Variants in PCSK2 observed in about 807,000 individuals in gnomAD.
PCSK2 encodes the protein neuroendocrine convertase 2.
In PCSK2, 14 loss-of-function variants were observed where a neutral mutation model predicts 69.7. That is an observed-to-expected ratio of 0.20 (90% CI 0.13 to 0.31). PCSK2 has a LOEUF of 0.31. PCSK2 is among the 10% of genes least tolerant of loss of function. The pLI is 1.00. For missense variants in PCSK2, 544 were observed against 842.5 expected (o/e 0.65, Z 4.39); for synonymous variants, 307 against 320.7 (o/e 0.96, Z 0.46).
chr20:17,391,469 G>A (rs936446364), intron 5 of PCSK2, among the ~76,000 whole-genome samples: 1 of 152,186 alleles, frequency 6.6e-6, no homozygotes, highest in African/African-American at 2.4e-5. Flanking sequence ...GTTAATAGAT[G>A]TAGGGATGGA....
intron 2 of PCSK2, among the ~76,000 whole-genome samples, chr20:17,348,042 GAAAGAAAGGAAAGAAAGAAAGAAA>G (rs1568612629): frequency 2.2e-5 from 1 of 45,182 alleles, no homozygotes; most frequent in East Asian, 6.3e-4. Flanking sequence ...AAGAAAGAAA[GAAAGAAAGGAAAGAAAGAAAGAAA>G]GAAAGAAAGA....
intron 2 of PCSK2, among the ~76,000 whole-genome samples, chr20:17,332,656 A>G (rs1990235817): frequency 6.6e-6 from 1 of 152,178 alleles, no homozygotes; most frequent in African/African-American, 2.4e-5. Flanking sequence ...AGTGGGGCCC[A>G]GCAATTTTTG....
At chr20:17,229,075 A>G (rs1275382163) in intron 1 of PCSK2, among the ~76,000 whole-genome samples, 6 of 152,080 alleles carry the variant, frequency 3.9e-5, no homozygotes, top group Non-Finnish European at 2.9e-5. Flanking sequence ...AAACGCCATT[A>G]TAAAATATAA....
At chr20:17,417,596 G>T (rs1009762350) in intron 6 of PCSK2, among the ~76,000 whole-genome samples, 1 of 152,176 alleles carries the variant, frequency 6.6e-6, no homozygotes, top group Non-Finnish European at 1.5e-5. Flanking sequence ...AGGCTGGTGA[G>T]GTGAAGCTCA....
chr20:17,394,465 C>T (rs747225555), intron 5 of PCSK2, among the ~76,000 whole-genome samples: 60 of 151,960 alleles, frequency 3.9e-4, no homozygotes, highest in Non-Finnish European at 8.4e-4. Flanking sequence ...TGGAGCGAAC[C>T]GTAGGGGATG....
In PCSK2 at chr20:17,482,384, T is replaced by G. The variant is rs1237904638; in HGVS notation, c.*314T>G. The G allele has an allele frequency of 7.0e-6, 1 of 141,970 alleles. No homozygotes were observed. Among genetic ancestry groups the G allele is most frequent in the Non-Finnish European group, 1.4e-5 (1 of 68,982 alleles). 8.8% of individuals were successfully genotyped at this position (141,970 alleles called of 1,614,324 possible). ...AAAAACTGGGACAGCTTTCCCCTCA[T>G]TTTTTTTTTTGTTTCTGAGAAAAGA... On this transcript the variant is annotated 3_prime_UTR_variant, in exon 12 of 12. Transcript: ENST00000262545.
chr20:17,369,297 G>A lies in PCSK2; in HGVS notation c.543+20G>A. On this transcript the variant is annotated intron_variant, in intron 5 of 11. Coordinates refer to ENST00000262545, the MANE Select transcript of PCSK2 (RefSeq NM_002594.5). ...AACTATGTAAGTACAAGCCAACTTT[G>A]GTGGGGAAACAGATGCATCTTAAAT... The A allele has an allele frequency of 6.2e-7, 1 of 1,608,984 alleles. No homozygotes were observed. Among genetic ancestry groups the A allele is most frequent in the Non-Finnish European group, 8.5e-7 (1 of 1,175,390 alleles).
In PCSK2 at chr20:17,453,965, C is replaced by T. The variant is rs1487303640; in HGVS notation, c.1101+8C>T. Reference sequence around the variant, plus strand: ...AACCCCGAGGCCGGTGTGGTGAGCACGTCCCCTTCTGTCCTTGTTTCCTTA... The same window carrying T: ...AACCCCGAGGCCGGTGTGGTGAGCATGTCCCCTTCTGTCCTTGTTTCCTTA... On this transcript the variant is annotated splice_region_variant and intron_variant, in intron 9 of 11. Coordinates refer to ENST00000262545, the MANE Select transcript of PCSK2 (RefSeq NM_002594.5). The surrounding 1 kb of genome is among the most constrained non-coding windows in gnomAD (Gnocchi z 4.0). 9 of 1,613,894 alleles carry T rather than the reference C, an allele frequency of 5.6e-6. No homozygotes were observed. Among genetic ancestry groups the T allele is most frequent in the East Asian group, 2.2e-5 (1 of 44,890 alleles).
chr20:17,263,168 CT>C (rs2123004875), intron 2 of PCSK2: 2 of 979,234 alleles, frequency 2.0e-6, no homozygotes, highest in Non-Finnish European at 2.4e-6. Flanking sequence ...TACTTTTTGG[CT>C]TTTTTTGACT....
intron 8 of PCSK2, among the ~76,000 whole-genome samples, chr20:17,452,699 T>A (rs1349280981): frequency 6.6e-6 from 1 of 152,238 alleles, no homozygotes; most frequent in East Asian, 1.9e-4. Context: ...CCTCCGGCAC[T>A]GCATGGCTGC....
intron 2 of PCSK2, among the ~76,000 whole-genome samples, chr20:17,338,967 C>A (rs1407233992): frequency 6.6e-6 from 1 of 152,160 alleles, no homozygotes; most frequent in Non-Finnish European, 1.5e-5. Flanking sequence ...GTTCACATAG[C>A]ATCTTGTTTT....
At chr20:17,297,727 G>A (rs117950698) in intron 2 of PCSK2, among the ~76,000 whole-genome samples, 31 of 152,164 alleles carry the variant, frequency 2.0e-4, no homozygotes, top group African/African-American at 7.0e-4. Context: ...TCATGTAATG[G>A]TTTTTGCCTT....
At chr20:17,436,950 T>C in intron 8 of PCSK2, 67 bp downstream of exon 8, 1 of 1,342,494 alleles carries the variant, frequency 7.4e-7, no homozygotes, top group Non-Finnish European at 1.0e-6. Context: ...GAGGGGTAGA[T>C]GCAACTGGGT....
intron 1 of PCSK2, among the ~76,000 whole-genome samples, chr20:17,232,840 A>C (rs972644970): frequency 4.6e-5 from 7 of 152,222 alleles, no homozygotes; most frequent in Admixed American, 4.6e-4. Flanking sequence ...TCCCTGAAAG[A>C]TTTCAATCTA....
At chr20:17,281,783 G>A (rs566182606) in intron 2 of PCSK2, among the ~76,000 whole-genome samples, 1 of 152,260 alleles carries the variant, frequency 6.6e-6, no homozygotes, top group East Asian at 1.9e-4. Flanking sequence ...TTTTCTTGCA[G>A]GAATGGGAAT....
chr20:17,294,098 C>CT (rs34805695), intron 2 of PCSK2, among the ~76,000 whole-genome samples: 22,645 of 74,168 alleles, frequency 0.31, 5,180 homozygotes, highest in Non-Finnish European at 0.38. Flanking sequence ...AAAGTATTTT[C>CT]TTTTTTTTTT....
intron 2 of PCSK2, among the ~76,000 whole-genome samples, chr20:17,287,413 G>A (rs949658405): frequency 4.8e-4 from 71 of 146,900 alleles, no homozygotes; most frequent in African/African-American, 1.5e-3. Context: ...CAGGGATCTT[G>A]CACCAGCATG....
At chr20:17,470,826 GC>G (rs967594272) in intron 11 of PCSK2, among the ~76,000 whole-genome samples, 2 of 152,122 alleles carry the variant, frequency 1.3e-5, no homozygotes, top group African/African-American at 4.8e-5. Context: ...CGATGTCTGT[GC>G]CTTTACAGAC....
chr20:17,318,673 C>T (rs1040638766), intron 2 of PCSK2, among the ~76,000 whole-genome samples: 2 of 152,186 alleles, frequency 1.3e-5, no homozygotes, highest in African/African-American at 4.8e-5. Context: ...CTCCACGGGG[C>T]ATTCCACCCA....
Sources: gnomAD v4.1 joint callset for allele counts (sites outside exome capture counted in the v4.1 genomes callset) on GRCh38, gnomAD v4.1.1 for gene constraint, Gnocchi (gnomAD v3.1) non-coding constraint, MANE v1.5 for transcripts, NCBI Gene and HGNC (gene_info 2026-07-23, HGNC 2026-07-21) for gene names.